Variants in THSD4 observed in about 807,000 individuals in gnomAD.
THSD4 encodes the protein thrombospondin type-1 domain-containing protein 4.
Under a neutral mutation model 119.0 loss-of-function variants are expected in THSD4, and 69 were observed. That is an observed-to-expected ratio of 0.58 (90% CI 0.48 to 0.71). THSD4 has a LOEUF of 0.71. Among genes scored for constraint, THSD4 ranks in the 30% least tolerant of loss-of-function variants. THSD4 has a pLI of 0.00. For synonymous variants in THSD4, 524 were observed against 540.4 expected, an observed-to-expected ratio of 0.97 and a Z score of 0.42; for missense variants, 1,393 against 1,391.1, an observed-to-expected ratio of 1.00 and a Z score of -0.02.
At chr15:71,557,232 T>G (rs2049033667) in intron 7 of THSD4, among the ~76,000 whole-genome samples, 4 of 152,236 alleles carry the variant, frequency 2.6e-5, no homozygotes, top group Admixed American at 2.6e-4. Context: ...TCTATTAAGA[T>G]GATCATTTGG....
rs878855643 is a variant in THSD4, at chr15:71,164,366, CTT to C, written c.99+9449_99+9450del. Among the ~76,000 whole-genome samples the C allele has an allele frequency of 2.3e-3, 288 of 127,312 alleles. 1 individual carries two copies. The highest frequency in any genetic ancestry group is 4.2e-3 in the African/African-American group (141 of 33,748). The allele number at this position is 127,312 out of a possible 152,430, so 83.5% of individuals were successfully genotyped here. A position where few individuals can be genotyped will look rare whatever the true frequency, so the allele number is the denominator to read the frequency against. ...CAGAATGTCAACAAAACAGCTGCAACTTTTTTTTTTTTTTTTGCAATTACAGA... is the reference window on the plus strand; with the variant it reads ...CAGAATGTCAACAAAACAGCTGCAACTTTTTTTTTTTTTTGCAATTACAGA... On this transcript the variant is annotated intron_variant, in intron 3 of 17. Transcript: ENST00000261862.
intron 7 of THSD4, among the ~76,000 whole-genome samples, chr15:71,636,511 A>G (rs2050746989): frequency 6.6e-6 from 1 of 152,142 alleles, no homozygotes; most frequent in Admixed American, 6.6e-5. Flanking sequence ...AAAATCAGAG[A>G]TACTCAAAGT....
intron 7 of THSD4, among the ~76,000 whole-genome samples, chr15:71,609,992 T>C (rs1462010338): frequency 1.3e-5 from 2 of 152,062 alleles, no homozygotes; most frequent in East Asian, 1.9e-4. Flanking sequence ...CCAAATTAAA[T>C]ACAGGCGGCC....
intron 2 of THSD4, among the ~76,000 whole-genome samples, chr15:71,154,255 A>G (rs2141382929): frequency 6.6e-6 from 1 of 152,060 alleles, no homozygotes; most frequent in South Asian, 2.1e-4. Context: ...CTATTTCCCC[A>G]CCTCCTCTTT....
At chr15:71,251,509 C>A (rs1268466961) in intron 5 of THSD4, among the ~76,000 whole-genome samples, 1 of 152,180 alleles carries the variant, frequency 6.6e-6, no homozygotes, top group Non-Finnish European at 1.5e-5. Flanking sequence ...GGTCACACAG[C>A]CACTTTCTCA....
At chr15:71,320,666 C>A (rs1159589116) in intron 6 of THSD4, among the ~76,000 whole-genome samples, 1 of 152,224 alleles carries the variant, frequency 6.6e-6, no homozygotes, top group Non-Finnish European at 1.5e-5. Flanking sequence ...TACCTTTCCT[C>A]ACAAAAGCTT....
At chr15:71,314,482 T>G (rs185652934) in intron 6 of THSD4, among the ~76,000 whole-genome samples, 175 of 152,120 alleles carry the variant, frequency 1.2e-3, no homozygotes, top group African/African-American at 3.9e-3. Flanking sequence ...AATTATTGTA[T>G]ATTTAGTGGA....
intron 6 of THSD4, among the ~76,000 whole-genome samples, chr15:71,373,761 C>T (rs569953432): frequency 6.6e-6 from 1 of 152,294 alleles, no homozygotes; most frequent in South Asian, 2.1e-4. Context: ...ATCTGTGACT[C>T]TGTGTGGTGG....
intron 7 of THSD4, among the ~76,000 whole-genome samples, chr15:71,584,137 T>A (rs1441347346): frequency 3.9e-5 from 6 of 152,106 alleles, no homozygotes; most frequent in Non-Finnish European, 8.8e-5. Flanking sequence ...ATGAATTGAT[T>A]CCTTTATCAT....
chr15:71,678,752 A>C (rs527696115), intron 8 of THSD4, among the ~76,000 whole-genome samples: 1 of 152,150 alleles, frequency 6.6e-6, no homozygotes. Flanking sequence ...GCCAGACACT[A>C]TTCTCTGAAT....
chr15:71,659,763 TGAG>T (rs1213141363), intron 7 of THSD4, among the ~76,000 whole-genome samples: 6 of 152,096 alleles, frequency 3.9e-5, no homozygotes, highest in Non-Finnish European at 7.4e-5. Flanking sequence ...GAAACATGAA[TGAG>T]GAGGGAGAGA....
intron 8 of THSD4, among the ~76,000 whole-genome samples, chr15:71,668,620 A>G (rs1329026821): frequency 6.6e-6 from 1 of 152,210 alleles, no homozygotes; most frequent in African/African-American, 2.4e-5. Context: ...GACATGGATG[A>G]GAGGTGGGTG....
intron 6 of THSD4, among the ~76,000 whole-genome samples, chr15:71,265,384 C>T (rs971493986): frequency 1.3e-5 from 2 of 152,056 alleles, no homozygotes; most frequent in Non-Finnish European, 2.9e-5. Context: ...CAAGGGAAGC[C>T]GTGAGAGACT....
intron 4 of THSD4, among the ~76,000 whole-genome samples, chr15:71,233,864 G>C (rs2044080938): frequency 6.6e-6 from 1 of 152,194 alleles, no homozygotes; most frequent in African/African-American, 2.4e-5. Context: ...GATCAATTCA[G>C]GGTTTATGTT....
In THSD4 at chr15:71,730,973, T is replaced by G. The variant is rs751507284; in HGVS notation, c.1534-148T>G. 147 of 665,360 alleles carry G rather than the reference T, an allele frequency of 2.2e-4. 1 individual carries two copies. The highest frequency in any genetic ancestry group is 3.3e-4 in the Non-Finnish European group (124 of 377,786). 41.2% of individuals were successfully genotyped at this position (665,360 alleles called of 1,614,324 possible). ...AAAGCCATCCAGGAATAACTTTGTTTAATCTGCCACAGGTTCACTGATATT... is the reference window on the plus strand; with the variant it reads ...AAAGCCATCCAGGAATAACTTTGTTGAATCTGCCACAGGTTCACTGATATT... On this transcript the variant is annotated intron_variant, in intron 9 of 17. Coordinates refer to ENST00000261862, the MANE Select transcript of THSD4 (RefSeq NM_024817.3).
At chr15:71,414,021 G>C (rs2046724657) in intron 7 of THSD4, among the ~76,000 whole-genome samples, 1 of 152,244 alleles carries the variant, frequency 6.6e-6, no homozygotes, top group African/African-American at 2.4e-5. Flanking sequence ...GTTGAGGAAT[G>C]GTGAATGTAA....
intron 7 of THSD4, among the ~76,000 whole-genome samples, chr15:71,579,743 T>G (rs2049522601): frequency 6.6e-6 from 1 of 152,146 alleles, no homozygotes; most frequent in African/African-American, 2.4e-5. Context: ...ACACCATGGT[T>G]TGGAAGGTAA....
intron 4 of THSD4, among the ~76,000 whole-genome samples, chr15:71,234,677 T>A (rs1351534239): frequency 3.3e-5 from 5 of 152,240 alleles, no homozygotes; most frequent in Non-Finnish European, 5.9e-5. Flanking sequence ...TAGTGTAAGC[T>A]CTACCTCTGC....
At chr15:71,377,962 A>G (rs1233947644) in intron 6 of THSD4, among the ~76,000 whole-genome samples, 5 of 150,430 alleles carry the variant, frequency 3.3e-5, no homozygotes, top group Non-Finnish European at 7.4e-5. Flanking sequence ...ATAGCAGAAC[A>G]TAAATTGTCC....
Sources: gnomAD v4.1 joint callset for allele counts (sites outside exome capture counted in the v4.1 genomes callset) on GRCh38, gnomAD v4.1.1 for gene constraint, MANE v1.5 for transcripts, NCBI Gene and HGNC (gene_info 2026-07-23, HGNC 2026-07-21) for gene names.